DCLK2: variants seen among roughly 807,000 people sequenced by gnomAD.
DCLK2 encodes the protein serine/threonine-protein kinase DCLK2.
A neutral mutation model predicts 78.4 loss-of-function variants in DCLK2; 31 were observed. The ratio of observed to expected loss-of-function variants is 0.40; its 90% CI spans 0.30 to 0.53. DCLK2 has a LOEUF of 0.53. Ranked by LOEUF, DCLK2 falls within the 20% of genes least tolerant of loss-of-function variation. The pLI, the probability that DCLK2 is intolerant of heterozygous loss-of-function variation, is 0.61. For missense variants in DCLK2, 872 were observed against 973.7 expected (o/e 0.90, Z 1.39); for synonymous variants, 407 against 374.9 (o/e 1.09, Z -0.99).
intron 2 of DCLK2, among the ~76,000 whole-genome samples, chr4:150,119,018 G>A (rs1732319560): frequency 7.2e-6 from 1 of 139,828 alleles, no homozygotes; most frequent in African/African-American, 2.7e-5. Context: ...GTTGAGTGAG[G>A]CTCTGTCTCA....
intron 2 of DCLK2, among the ~76,000 whole-genome samples, chr4:150,138,255 T>A (rs1241136037): frequency 6.6e-6 from 1 of 152,210 alleles, no homozygotes; most frequent in African/African-American, 2.4e-5. Context: ...TTTGTCACAC[T>A]CTAGCTGTGG....
chr4:150,117,181 G>A (rs1227430875), intron 2 of DCLK2, among the ~76,000 whole-genome samples: 1 of 152,146 alleles, frequency 6.6e-6, no homozygotes, highest in African/African-American at 2.4e-5. Flanking sequence ...GGTCCAGGGA[G>A]GAGTGCAGCT....
intron 2 of DCLK2, among the ~76,000 whole-genome samples, chr4:150,183,754 G>A (rs1409484334): frequency 6.7e-6 from 1 of 148,526 alleles, no homozygotes; most frequent in Non-Finnish European, 1.5e-5. Context: ...TTTTTTTGGA[G>A]ACAGAGTCTC....
intron 2 of DCLK2, among the ~76,000 whole-genome samples, chr4:150,145,494 C>A (rs1304239946): frequency 1.3e-5 from 2 of 152,090 alleles, no homozygotes; most frequent in Non-Finnish European, 2.9e-5. Context: ...TTTTTAAAGC[C>A]CAAGTGTTGG....
At chr4:150,096,210 A>T (rs1250394302) in intron 1 of DCLK2, among the ~76,000 whole-genome samples, 1 of 152,150 alleles carries the variant, frequency 6.6e-6, no homozygotes, top group Admixed American at 6.5e-5. Flanking sequence ...AATGTGGGGG[A>T]AGGGCAGTGA....
chr4:150,120,082 A>G (rs997524085), intron 2 of DCLK2, among the ~76,000 whole-genome samples: 3 of 152,182 alleles, frequency 2.0e-5, no homozygotes, highest in African/African-American at 7.2e-5. Context: ...TACTTTACAA[A>G]TTTTATTACA....
At chr4:150,198,893 C>T (rs1334958028) in intron 4 of DCLK2, 4 of 592,216 alleles carry the variant, frequency 6.8e-6, no homozygotes, top group Non-Finnish European at 1.2e-5. Context: ...CCACTATTCG[C>T]CCTTTCCCCT....
At chr4:150,220,805 G>C (rs1430842180) in intron 6 of DCLK2, 27 bp downstream of exon 6, 1 of 1,584,550 alleles carries the variant, frequency 6.3e-7, no homozygotes, top group Admixed American at 1.7e-5. Flanking sequence ...TCATTACTTT[G>C]ATAAAGGAAA....
intron 1 of DCLK2, among the ~76,000 whole-genome samples, chr4:150,094,652 G>A (rs1730333790): frequency 6.6e-6 from 1 of 152,204 alleles, no homozygotes; most frequent in Non-Finnish European, 1.5e-5. Context: ...AACACTATGT[G>A]CTTATTTTGC....
intron 2 of DCLK2, among the ~76,000 whole-genome samples, chr4:150,181,166 T>A (rs781757121): frequency 1.1e-4 from 16 of 152,348 alleles, no homozygotes; most frequent in South Asian, 6.2e-4. Flanking sequence ...AAAAAATTTT[T>A]AAAAATTTAA....
chr4:150,165,224 G>A (rs1234226658), intron 2 of DCLK2, among the ~76,000 whole-genome samples: 1 of 152,228 alleles, frequency 6.6e-6, no homozygotes, highest in African/African-American at 2.4e-5. Context: ...TGGTCATTGA[G>A]CTGTGGAGTG....
At chr4:150,139,490 T>C (rs1733961889) in intron 2 of DCLK2, among the ~76,000 whole-genome samples, 1 of 152,222 alleles carries the variant, frequency 6.6e-6, no homozygotes, top group African/African-American at 2.4e-5. Context: ...CACAGCATAT[T>C]GTGGTCAGGT....
intron 2 of DCLK2, 131 bp from the exon 3 acceptor site, chr4:150,193,007 G>T: frequency 1.7e-6 from 1 of 574,090 alleles, no homozygotes; most frequent in South Asian, 2.7e-5. Flanking sequence ...GCTTAGAAAC[G>T]TAGTTATATT....
chr4:150,217,263 CTT>C (rs984492942), intron 5 of DCLK2, among the ~76,000 whole-genome samples: 2 of 152,174 alleles, frequency 1.3e-5, no homozygotes, highest in African/African-American at 2.4e-5. Context: ...TTTCATTGCT[CTT>C]TGTCTGCATG....
Position 150,196,062 on chromosome 4 carries a change from AT to A in DCLK2, c.860-1931del, listed in dbSNP as rs111257005. On this transcript the variant is annotated intron_variant, in intron 3 of 15. Transcript: ENST00000296550. ...CACAGATACGTTTATTAGGAGGCAA[AT>A]TTTTTTTTAATCAGTTATTTAACTT... 2.2e-3 allele frequency among the ~76,000 whole-genome samples: 338 copies of A among 151,744 alleles called. 1 individual carries two copies. The highest frequency in any genetic ancestry group is 5.3e-3 in the Admixed American group (81 of 15,226).
chr4:150,140,637 A>C (rs1201130345), intron 2 of DCLK2, among the ~76,000 whole-genome samples: 2 of 152,184 alleles, frequency 1.3e-5, no homozygotes, highest in Non-Finnish European at 2.9e-5. Flanking sequence ...TGAGACACCT[A>C]CTATGTTCTA....
chr4:150,139,363 G>T (rs72965581), intron 2 of DCLK2, among the ~76,000 whole-genome samples: 1 of 152,036 alleles, frequency 6.6e-6, no homozygotes, highest in African/African-American at 2.4e-5. Flanking sequence ...TGCTAAGTGT[G>T]ATACAGGGCA....
intron 1 of DCLK2, among the ~76,000 whole-genome samples, chr4:150,081,169 A>G (rs921061192): frequency 6.6e-6 from 1 of 152,224 alleles, no homozygotes; most frequent in Non-Finnish European, 1.5e-5. Context: ...ATGGTTTCTT[A>G]AGAGTCAACA....
chr4:150,189,658 C>T (rs1353661811), intron 2 of DCLK2, among the ~76,000 whole-genome samples: 1 of 152,074 alleles, frequency 6.6e-6, no homozygotes, highest in Non-Finnish European at 1.5e-5. Context: ...TAATTGATGC[C>T]TAGACTTAGT....
Sources: allele counts gnomAD v4.1 joint callset (sites outside exome capture counted in the v4.1 genomes callset), GRCh38; gene constraint gnomAD v4.1.1; transcripts MANE v1.5; gene names NCBI Gene and HGNC (gene_info 2026-07-23, HGNC 2026-07-21).